The following DNER variants were observed in gnomAD, a reference collection of about 807,000 sequenced individuals.
DNER encodes the protein delta and Notch-like epidermal growth factor-related receptor.
DNER carries 33 observed loss-of-function variants against 78.2 expected under a neutral mutation model. That is an observed-to-expected ratio of 0.42 (90% CI 0.32 to 0.56). The LOEUF is 0.56. DNER is among the 20% of genes least tolerant of loss of function. The pLI is 0.11. For synonymous variants in DNER, 417 were observed against 384.8 expected, an observed-to-expected ratio of 1.08 and a Z score of -0.98; for missense variants, 918 against 975.3, an observed-to-expected ratio of 0.94 and a Z score of 0.78.
chr2:229,553,873 TG>T (rs1211009647), intron 4 of DNER, among the ~76,000 whole-genome samples: 2 of 152,164 alleles, frequency 1.3e-5, no homozygotes, highest in Non-Finnish European at 2.9e-5. Flanking sequence ...TGATTCTCCT[TG>T]GGACAGAGGA....
chr2:229,400,519 A>G (rs541364628), intron 10 of DNER, among the ~76,000 whole-genome samples: 1 of 152,114 alleles, frequency 6.6e-6, no homozygotes, highest in Non-Finnish European at 1.5e-5. Flanking sequence ...GCCAGAACGT[A>G]TATATGTTTT....
At chr2:229,464,938 C>A (rs1335578272) in intron 7 of DNER, among the ~76,000 whole-genome samples, 2 of 151,990 alleles carry the variant, frequency 1.3e-5, no homozygotes, top group African/African-American at 2.4e-5. Flanking sequence ...CATGTTTGAA[C>A]AACAACAAGA....
chr2:229,558,437 A>T (rs1696893764), intron 4 of DNER, among the ~76,000 whole-genome samples: 1 of 152,188 alleles, frequency 6.6e-6, no homozygotes, highest in South Asian at 2.1e-4. Flanking sequence ...AAGGGTTCTT[A>T]TATCTTTTGT....
intron 3 of DNER, among the ~76,000 whole-genome samples, chr2:229,587,776 G>A (rs1020454324): frequency 6.6e-6 from 1 of 152,020 alleles, no homozygotes; most frequent in African/African-American, 2.4e-5. Flanking sequence ...TGTGCTCCTG[G>A]GCACCTGCTG....
chr2:229,421,412 A>G lies in DNER; in HGVS notation c.1487-3182T>C, dbSNP rs183194754. Among the ~76,000 whole-genome samples the G allele has an allele frequency of 1.9e-3, 293 of 151,590 alleles. No individual in the cohort carries two copies. The Middle Eastern group carries it at 0.025, about 13-fold the overall frequency. On this transcript the variant is annotated intron_variant, in intron 8 of 12. Transcript: ENST00000341772. ...ACTTAAACATTTGTTAAGAAGGTAC[A>G]TTTAATGCTGTGTTTTTTTACCACT...
At chr2:229,374,012 A>T (rs780000484) in intron 11 of DNER, among the ~76,000 whole-genome samples, 1 of 152,154 alleles carries the variant, frequency 6.6e-6, no homozygotes, top group African/African-American at 2.4e-5. Flanking sequence ...CTAAAAATAC[A>T]AAAAAAGTAG....
At chr2:229,666,587 A>C (rs1299944878) in intron 1 of DNER, among the ~76,000 whole-genome samples, 1 of 152,194 alleles carries the variant, frequency 6.6e-6, no homozygotes, top group Non-Finnish European at 1.5e-5. Flanking sequence ...TAGAGATTCA[A>C]TTTCCTCAGC....
intron 1 of DNER, among the ~76,000 whole-genome samples, chr2:229,653,256 T>A (rs11676294): frequency 6.6e-6 from 1 of 152,178 alleles, no homozygotes; most frequent in Admixed American, 6.5e-5. Context: ...TGACAGCTGC[T>A]GCCCAGTCCT....
chr2:229,385,524 G>T (rs1692843717), intron 11 of DNER, among the ~76,000 whole-genome samples: 1 of 152,174 alleles, frequency 6.6e-6, no homozygotes, highest in Non-Finnish European at 1.5e-5. Flanking sequence ...AAGAGAGGAA[G>T]TAAAATTGTC....
At chr2:229,566,185 CTGTTG>C (rs1488610644) in intron 4 of DNER, among the ~76,000 whole-genome samples, 36 of 152,284 alleles carry the variant, frequency 2.4e-4, no homozygotes, top group African/African-American at 8.7e-4. Flanking sequence ...ACGTGAAAAG[CTGTTG>C]ATTGACATGT....
In DNER at chr2:229,588,402, G is replaced by A. The variant is rs759939301; in HGVS notation, c.672C>T (p.Thr224=). ...ACTCAGAATTTTCTTACTTGACTGA[G>A]GTGTTCTGTGGCACTTCAAAGGATA... ...RLVSFEVPQN[T]SVKIRQDATA... is the part of the protein sequence containing the mutation. The change falls in exon 3 of 13, where the codon ACC becomes ACT. Residue 224 remains threonine, a synonymous_variant. Transcript: ENST00000341772. 2 of 1,613,710 alleles carry A rather than the reference G, an allele frequency of 1.2e-6. No individual in the cohort carries two copies. Among genetic ancestry groups the A allele is most frequent in the East Asian group, 2.2e-5 (1 of 44,866 alleles).
rs77374769 is a variant in DNER, at chr2:229,421,747, G to C, written c.1487-3517C>G. ...GTGTCTTTTGCTTCTCCTAATATGA[G>C]AAGCTTTTTGAGGTCATTGTGGAGT... On this transcript the variant is annotated intron_variant, in intron 8 of 12. Transcript: ENST00000341772. Among the ~76,000 whole-genome samples, 287 of 151,848 alleles carry C rather than the reference G, an allele frequency of 1.9e-3. 1 individual carries two copies. The highest frequency in any genetic ancestry group is 3.3e-3 in the Non-Finnish European group (225 of 67,940).
intron 7 of DNER, among the ~76,000 whole-genome samples, chr2:229,457,261 A>G (rs868141361): frequency 1.3e-5 from 2 of 152,096 alleles, no homozygotes; most frequent in Non-Finnish European, 2.9e-5. Context: ...AGTCTGGGGG[A>G]GTAAATATTC....
At chr2:229,638,608 T>G (rs1241911991) in intron 1 of DNER, among the ~76,000 whole-genome samples, 3 of 152,204 alleles carry the variant, frequency 2.0e-5, no homozygotes, top group African/African-American at 7.2e-5. Context: ...AAAGGGTATC[T>G]TCCCTCACTA....
intron 4 of DNER, among the ~76,000 whole-genome samples, chr2:229,558,274 G>C (rs948119120): frequency 1.3e-5 from 2 of 152,084 alleles, no homozygotes. Context: ...AATAACTAAT[G>C]AGTACAAGGC....
chr2:229,369,421 T>A (rs1692430103), intron 11 of DNER, among the ~76,000 whole-genome samples: 1 of 149,972 alleles, frequency 6.7e-6, no homozygotes, highest in Non-Finnish European at 1.5e-5. Context: ...TTCTAAAAAG[T>A]TAAACAAAAA....
intron 4 of DNER, among the ~76,000 whole-genome samples, chr2:229,562,485 C>T (rs1455939458): frequency 6.6e-6 from 1 of 152,126 alleles, no homozygotes; most frequent in Non-Finnish European, 1.5e-5. Context: ...ATTTTTAACA[C>T]TTTATGTATT....
chr2:229,617,612 G>A lies in DNER; in HGVS notation c.277-25724C>T, dbSNP rs530699764. On this transcript the variant is annotated intron_variant, in intron 1 of 12. Transcript: ENST00000341772. ...ATTTATTTCCATACTTCATAAAGAA[G>A]ACAAAGGAAAAATAGTTTTTTTGTT... Among the ~76,000 whole-genome samples, 6 of 152,256 alleles carry A rather than the reference G, an allele frequency of 3.9e-5. No homozygotes were observed. In the South Asian group the frequency reaches 1.2e-3, roughly 32 times the overall value.
intron 8 of DNER, among the ~76,000 whole-genome samples, chr2:229,434,189 C>T (rs1447584402): frequency 6.6e-6 from 1 of 152,192 alleles, no homozygotes; most frequent in African/African-American, 2.4e-5. Context: ...ATCTTTCTGG[C>T]TGTATTTACT....
Sources: allele counts gnomAD v4.1 joint callset (sites outside exome capture counted in the v4.1 genomes callset), GRCh38; gene constraint gnomAD v4.1.1; transcripts MANE v1.5; gene names NCBI Gene and HGNC (gene_info 2026-07-23, HGNC 2026-07-21).